Variants in DMTF1 observed in about 807,000 individuals in gnomAD.
The protein encoded by DMTF1 is cyclin-D-binding Myb-like transcription factor 1.
A neutral mutation model predicts 91.1 loss-of-function variants in DMTF1; 39 were observed. The observed-to-expected ratio is 0.43, with a 90% CI of 0.33 to 0.56. The LOEUF (loss-of-function observed/expected upper bound fraction) is 0.56, where lower values mean the gene tolerates loss of function less well. Ranked by LOEUF, DMTF1 falls within the 20% of genes least tolerant of loss-of-function variation. The probability of loss-of-function intolerance (pLI) is 0.05; values close to 1 mark genes in which losing one functional copy is unlikely to be tolerated. For missense variants in DMTF1, 750 were observed against 914.5 expected (o/e 0.82, Z 2.32); for synonymous variants, 338 against 309.5 (o/e 1.09, Z -0.97).
chr7:87,179,220 G>A (rs778029399), intron 7 of DMTF1, among the ~76,000 whole-genome samples: 14 of 151,718 alleles, frequency 9.2e-5, no homozygotes, highest in Non-Finnish European at 1.8e-4. Flanking sequence ...TCTGTGCTTT[G>A]ATTCTGGATT....
In DMTF1 at chr7:87,191,042, A is replaced by T. The variant is rs758515821; in HGVS notation, c.1494+15A>T. ...AGATTCTTCCCGTGAGTAACGCTTC[A>T]TATATATTGGCCATTTTTATGCATG... On this transcript the variant is annotated intron_variant, in intron 14 of 17. Transcript: ENST00000331242. 1 of 1,526,872 alleles carries T rather than the reference A, an allele frequency of 6.5e-7. No individual in the cohort carries two copies. The highest frequency in any genetic ancestry group is 1.2e-5 in the South Asian group (1 of 86,064). 94.6% of individuals were successfully genotyped at this position (1,526,872 alleles called of 1,614,324 possible).
At chr7:87,166,400 TAAG>T (rs1252636964) in intron 3 of DMTF1, 80 bp from the exon 4 acceptor site, 1 of 1,428,266 alleles carries the variant, frequency 7.0e-7, no homozygotes, top group African/African-American at 1.4e-5. Flanking sequence ...TTTTAATAGA[TAAG>T]AAAATTGTAG....
chr7:87,152,676 G>T (rs917790074), intron 1 of DMTF1, 121 bp downstream of exon 1: 1 of 153,028 alleles, frequency 6.5e-6, no homozygotes, highest in East Asian at 1.9e-4. Context: ...TCGGCGCCGG[G>T]GCACTGCGGG....
chr7:87,193,912 C>T lies in DMTF1; in HGVS notation c.1838C>T (p.Pro613Leu). 6.2e-7 allele frequency: 1 copy of T among 1,613,306 alleles called. No individual in the cohort carries two copies. The highest frequency in any genetic ancestry group is 1.1e-5 in the South Asian group (1 of 91,052). Residue 613 changes from proline to leucine, a missense_variant, in exon 16 of 18, where the codon CCA becomes CTA. By Grantham distance (98) the Pro-to-Leu change is moderately conservative. Around this residue, in one of 3 missense-constraint regions of DMTF1, gnomAD observed 410 missense variants for 420.2 expected, o/e 0.98. Coordinates refer to ENST00000331242, the MANE Select transcript of DMTF1 (RefSeq NM_001142327.2). ...PPDALEADTF[P>L]DEIHHPKMTV... ...GACGCCCTAGAAGCAGACACTTTCC[C>T]AGATGAAATTCATCACCCTAAGATG...
chr7:87,187,965 C>T (rs2129174970), intron 12 of DMTF1, 127 bp from the exon 13 acceptor site: 6 of 647,302 alleles, frequency 9.3e-6, no homozygotes, highest in Non-Finnish European at 1.6e-5. Context: ...TTTATAAGCT[C>T]TCACATCCAG....
intron 7 of DMTF1, among the ~76,000 whole-genome samples, 178 bp downstream of exon 7, chr7:87,174,847 T>C (rs1445371606): frequency 6.6e-6 from 1 of 152,154 alleles, no homozygotes; most frequent in East Asian, 1.9e-4. Flanking sequence ...TACAATAATA[T>C]TTTGAATTCT....
rs545860119 is a variant in DMTF1, at chr7:87,162,152, C to T, written c.-131-1343C>T. ...CAGGTTCTCGCTCTCACCCAGACTG[C>T]GGCCTTGATCTCCTGGGCTGCAGCC... On this transcript the variant is annotated intron_variant, in intron 1 of 17. Transcript: ENST00000331242. Among the ~76,000 whole-genome samples the T allele has an allele frequency of 1.2e-4, 19 of 152,252 alleles. No individual in the cohort carries two copies. The East Asian group carries it at 2.9e-3, about 23-fold the overall frequency.
rs1198031347 is a variant in DMTF1, at chr7:87,195,618, C to G, written c.*478C>G. 6.5e-6 allele frequency: 1 copy of G among 153,364 alleles called. No homozygotes were observed. The highest frequency in any genetic ancestry group is 1.9e-4 in the East Asian group (1 of 5,210). 9.5% of individuals were successfully genotyped at this position (153,364 alleles called of 1,614,324 possible). A position where few individuals can be genotyped will look rare whatever the true frequency, so the allele number is the denominator to read the frequency against. On this transcript the variant is annotated 3_prime_UTR_variant, in exon 18 of 18. Transcript: ENST00000331242. Reference sequence around the variant, plus strand: ...AAGAAGACTAAGTTTGAGACTTGACCAGCATACAAGTATAGAGACCTAGGA... The same window carrying G: ...AAGAAGACTAAGTTTGAGACTTGACGAGCATACAAGTATAGAGACCTAGGA...
intron 1 of DMTF1, among the ~76,000 whole-genome samples, chr7:87,160,871 T>G (rs1240109392): frequency 6.6e-6 from 1 of 152,170 alleles, no homozygotes; most frequent in Non-Finnish European, 1.5e-5. Context: ...TTTAGTGGAG[T>G]GCTCTAGAAC....
chr7:87,184,695 T>G lies in DMTF1; in HGVS notation c.1049+70T>G, dbSNP rs1338350934. On this transcript the variant is annotated intron_variant, in intron 11 of 17. Transcript: ENST00000331242. ...GTGGATGTCTTGATAGACTTTCCTC[T>G]TTTGGTTTTCCTGGATGCCTAGTGT... 5.7e-6 allele frequency: 8 copies of G among 1,401,960 alleles called. No individual in the cohort carries two copies. In the African/African-American group the frequency reaches 1.1e-4, roughly 20 times the overall value. 86.8% of individuals were successfully genotyped at this position (1,401,960 alleles called of 1,614,324 possible). A position where few individuals can be genotyped will look rare whatever the true frequency, so the allele number is the denominator to read the frequency against.
chr7:87,181,277 T>C (rs567220987), intron 8 of DMTF1, 32 bp from the exon 9 acceptor site: 2 of 1,051,624 alleles, frequency 1.9e-6, no homozygotes, highest in South Asian at 1.4e-5. Context: ...ATTGTTTTAA[T>C]TGATTTTTTA....
chr7:87,157,233 A>G (rs917024384), intron 1 of DMTF1, among the ~76,000 whole-genome samples: 1 of 152,140 alleles, frequency 6.6e-6, no homozygotes, highest in African/African-American at 2.4e-5. Context: ...TTGTGGTGCT[A>G]TATGTTCTGT....
At chr7:87,179,787 A>G (rs967614509) in intron 8 of DMTF1, 85 bp downstream of exon 8, 7 of 1,250,058 alleles carry the variant, frequency 5.6e-6, no homozygotes, top group African/African-American at 3.1e-5. Flanking sequence ...CAATAGAAAT[A>G]TGGTCAAGGT....
Position 87,185,815 on chromosome 7 carries a change from T to C in DMTF1, c.1050-14T>C, listed in dbSNP as rs1215015338. The C allele has an allele frequency of 3.7e-6, 6 of 1,613,398 alleles. No homozygotes were observed. The highest frequency in any genetic ancestry group is 5.1e-6 in the Non-Finnish European group (6 of 1,179,572). ...TTAATTTAATGTCTAACGATGCTTA[T>C]TTTGTAACTGTAGGATAGCAGAACT... On this transcript the variant is annotated splice_polypyrimidine_tract_variant and intron_variant, in intron 11 of 17. Transcript: ENST00000331242.
intron 2 of DMTF1, among the ~76,000 whole-genome samples, chr7:87,164,665 C>T (rs1793386431): frequency 6.6e-6 from 1 of 152,112 alleles, no homozygotes; most frequent in African/African-American, 2.4e-5. Flanking sequence ...TTGGATGTTG[C>T]AAAAACGTTT....
At chr7:87,177,298 T>C (rs1476484992) in intron 7 of DMTF1, among the ~76,000 whole-genome samples, 1 of 152,168 alleles carries the variant, frequency 6.6e-6, no homozygotes, top group East Asian at 1.9e-4. Flanking sequence ...TTGGGTTCTT[T>C]TTAGTTTTTT....
At position 87,161,261 on chromosome 7, in the gene DMTF1, GC is replaced by G. The variant is rs1294592254; in HGVS notation, c.-131-2232del. Among the ~76,000 whole-genome samples the G allele has an allele frequency of 2.0e-5, 3 of 152,190 alleles. No homozygotes were observed. In the East Asian group the frequency reaches 5.8e-4, roughly 29 times the overall value. ...GCCTGTAATCCCAACACTTTGGGAG[GC>G]CGAGGCAAGTGGATCACCTGAGGTC... is the stretch of plus-strand genomic sequence containing the variant. On this transcript the variant is annotated intron_variant, in intron 1 of 17. Transcript: ENST00000331242.
intron 5 of DMTF1, among the ~76,000 whole-genome samples, chr7:87,171,291 A>G (rs1431899604): frequency 6.6e-6 from 1 of 152,234 alleles, no homozygotes; most frequent in Non-Finnish European, 1.5e-5. Flanking sequence ...ATAATTTAAT[A>G]TTTAGCCTCT....
chr7:87,154,557 G>A (rs1790180654), intron 1 of DMTF1: 2 of 152,534 alleles, frequency 1.3e-5, no homozygotes. Context: ...ATCTTTCTTA[G>A]AACTTTAAGT....
Sources: allele counts gnomAD v4.1 joint callset (sites outside exome capture counted in the v4.1 genomes callset), GRCh38; gene constraint gnomAD v4.1.1; regional missense constraint gnomAD v4.1.1; transcripts MANE v1.5; gene names NCBI Gene and HGNC (gene_info 2026-07-23, HGNC 2026-07-21).